The following SLC8A3 variants were observed in gnomAD, a reference collection of about 807,000 sequenced individuals.
SLC8A3 encodes sodium/calcium exchanger 3.
SLC8A3 carries 37 observed loss-of-function variants against 65.4 expected under a neutral mutation model. The ratio of observed to expected loss-of-function variants is 0.57; its 90% CI spans 0.44 to 0.74. The LOEUF (loss-of-function observed/expected upper bound fraction) is 0.74, where lower values mean the gene tolerates loss of function less well. Ranked by LOEUF, SLC8A3 falls within the 30% of genes least tolerant of loss-of-function variation. The pLI is 0.00. For missense variants in SLC8A3, 1,112 were observed against 1,172.1 expected, an observed-to-expected ratio of 0.95 and a Z score of 0.75; for synonymous variants, 461 against 444.5, an observed-to-expected ratio of 1.04 and a Z score of -0.47.
intron 2 of SLC8A3, among the ~76,000 whole-genome samples, chr14:70,092,724 G>C (rs1891889623): frequency 6.6e-6 from 1 of 152,154 alleles, no homozygotes; most frequent in African/African-American, 2.4e-5. Context: ...CCAGTGGAGG[G>C]AACCAGTTTG....
At position 70,187,806 on chromosome 14, in the gene SLC8A3, C is replaced by T. The variant is rs115671698; in HGVS notation, c.-63+573G>A. On this transcript the variant is annotated intron_variant, in intron 1 of 6. Coordinates refer to ENST00000356921, the MANE Select transcript of SLC8A3 (RefSeq NM_182932.3). The stretch of plus-strand genomic sequence containing the variant: ...GGCCCCAGCGGTGGGTGCTCTGGGG[C>T]TGCAGCTCCCGACCCGCGGCGGTGG... Among the ~76,000 whole-genome samples, 1,417 of 152,228 alleles carry T rather than the reference C, an allele frequency of 9.3e-3. 22 individuals carry two copies. Among genetic ancestry groups the T allele is most frequent in the African/African-American group, 0.033 (1,352 of 41,542 alleles).
chr14:70,100,028 A>G (rs1377203555), intron 2 of SLC8A3, among the ~76,000 whole-genome samples: 1 of 152,202 alleles, frequency 6.6e-6, no homozygotes, highest in Non-Finnish European at 1.5e-5. Flanking sequence ...AAGAACATGT[A>G]CTTAGAAATC....
rs916239476 is a variant in SLC8A3, at chr14:70,188,875, G to T, written c.-559C>A. On this transcript the variant is annotated 5_prime_UTR_variant, in exon 1 of 7. Transcript: ENST00000356921. ...TGGGCTTTCCCTGGGCTGGGAGCGC[G>T]CCGGGTCTCCGCCTTGCACGCTGTC... The T allele has an allele frequency of 6.6e-6, 1 of 152,084 alleles. No individual in the cohort carries two copies. The highest frequency in any genetic ancestry group is 1.5e-5 in the Non-Finnish European group (1 of 68,004). 9.4% of individuals were successfully genotyped at this position (152,084 alleles called of 1,614,324 possible).
intron 2 of SLC8A3, among the ~76,000 whole-genome samples, chr14:70,133,620 G>A (rs1894997159): frequency 6.6e-6 from 1 of 152,150 alleles, no homozygotes; most frequent in African/African-American, 2.4e-5. Flanking sequence ...AAGCCAGGAT[G>A]CCACCCTTGA....
At chr14:70,074,828 A>G (rs1890333297) in intron 2 of SLC8A3, among the ~76,000 whole-genome samples, 2 of 152,220 alleles carry the variant, frequency 1.3e-5, no homozygotes, top group Admixed American at 1.3e-4. Context: ...AATGTTAATA[A>G]AGACAGGTTC....
chr14:70,068,079 GGA>G (rs1889643458), intron 2 of SLC8A3, among the ~76,000 whole-genome samples: 1 of 152,168 alleles, frequency 6.6e-6, no homozygotes, highest in Non-Finnish European at 1.5e-5. Flanking sequence ...CAAACAACCT[GGA>G]GACGATTAGG....
chr14:70,130,488 G>A (rs1894752208), intron 2 of SLC8A3, among the ~76,000 whole-genome samples: 3 of 152,148 alleles, frequency 2.0e-5, no homozygotes, highest in African/African-American at 7.2e-5. Flanking sequence ...CACCCACATT[G>A]GGGGAACACT....
intron 2 of SLC8A3, among the ~76,000 whole-genome samples, chr14:70,094,939 G>A (rs555375837): frequency 2.6e-5 from 4 of 152,224 alleles, no homozygotes; most frequent in Non-Finnish European, 5.9e-5. Context: ...GTATTGCAAA[G>A]TGGCTAAAGC....
At chr14:70,154,263 A>C in intron 2 of SLC8A3, among the ~76,000 whole-genome samples, 1 of 152,380 alleles carries the variant, frequency 6.6e-6, no homozygotes, top group South Asian at 2.1e-4. Flanking sequence ...ATGCAGTTTA[A>C]AATCAGAAGA....
chr14:70,089,796 T>C (rs1393676035), intron 2 of SLC8A3, among the ~76,000 whole-genome samples: 1 of 152,190 alleles, frequency 6.6e-6, no homozygotes, highest in Non-Finnish European at 1.5e-5. Context: ...TTCTACCAAT[T>C]TTCCCCCAAA....
intron 3 of SLC8A3, chr14:70,055,825 T>C (rs1190613734): frequency 1.9e-6 from 3 of 1,609,252 alleles, no homozygotes; most frequent in Non-Finnish European, 2.5e-6. Flanking sequence ...TGTTTGCAAA[T>C]GGATACCAGA....
intron 2 of SLC8A3, among the ~76,000 whole-genome samples, chr14:70,087,058 C>T (rs1342645507): frequency 6.6e-6 from 1 of 152,208 alleles, no homozygotes; most frequent in African/African-American, 2.4e-5. Flanking sequence ...GTACCACTAT[C>T]CAAAGCCTTA....
chr14:70,102,451 T>C (rs1421886796), intron 2 of SLC8A3, among the ~76,000 whole-genome samples: 1 of 152,110 alleles, frequency 6.6e-6, no homozygotes, highest in Non-Finnish European at 1.5e-5. Context: ...AAATAATTAC[T>C]AGACATGTGA....
chr14:70,178,911 G>T (rs761410166), intron 1 of SLC8A3, among the ~76,000 whole-genome samples: 1 of 152,096 alleles, frequency 6.6e-6, no homozygotes. Flanking sequence ...AAATCAGATA[G>T]ATCATGCAAT....
intron 2 of SLC8A3, among the ~76,000 whole-genome samples, chr14:70,125,583 G>A (rs938629210): frequency 2.0e-5 from 3 of 151,278 alleles, no homozygotes; most frequent in Non-Finnish European, 4.4e-5. Flanking sequence ...ATCCATGGAT[G>A]GACAGTTAGG....
intron 2 of SLC8A3, among the ~76,000 whole-genome samples, chr14:70,142,496 G>C (rs1895645135): frequency 6.6e-6 from 1 of 152,192 alleles, no homozygotes; most frequent in Non-Finnish European, 1.5e-5. Flanking sequence ...AGGAGTGTAA[G>C]ACTGCATTCT....
At chr14:70,160,317 C>A (rs1365054934) in intron 2 of SLC8A3, among the ~76,000 whole-genome samples, 2 of 152,008 alleles carry the variant, frequency 1.3e-5, no homozygotes, top group Admixed American at 6.6e-5. Context: ...TGGTGACATG[C>A]GTCTGTAGTC....
At chr14:70,066,484 C>A (rs1056043765) in intron 2 of SLC8A3, among the ~76,000 whole-genome samples, 29 of 63,632 alleles carry the variant, frequency 4.6e-4, no homozygotes, top group African/African-American at 1.9e-3. Context: ...AATTTACTAC[C>A]CCCCTTCCTT....
intron 2 of SLC8A3, among the ~76,000 whole-genome samples, chr14:70,106,327 CTTTT>C (rs944068563): frequency 2.6e-5 from 4 of 152,012 alleles, no homozygotes; most frequent in Non-Finnish European, 5.9e-5. Flanking sequence ...TTCTCACATA[CTTTT>C]TTTATTTTAT....
Sources: gnomAD v4.1 joint callset for allele counts (sites outside exome capture counted in the v4.1 genomes callset) on GRCh38, gnomAD v4.1.1 for gene constraint, MANE v1.5 for transcripts, NCBI Gene and HGNC (gene_info 2026-07-23, HGNC 2026-07-21) for gene names.